Variants in CERK observed in about 807,000 individuals in gnomAD.
CERK encodes the protein acylsphingosine kinase.
A neutral mutation model predicts 63.4 loss-of-function variants in CERK; 39 were observed. That is an observed-to-expected ratio of 0.61 (90% confidence interval 0.48 to 0.80). The LOEUF (loss-of-function observed/expected upper bound fraction) is 0.80. CERK is among the 30% of genes least tolerant of loss of function. The pLI, the probability that CERK is intolerant of heterozygous loss-of-function variation, is 0.00. For missense variants in CERK, 670 were observed against 714.1 expected (o/e 0.94, Z 0.70); for synonymous variants, 302 against 280.0 (o/e 1.08, Z -0.78).
intron 11 of CERK, among the ~76,000 whole-genome samples, chr22:46,690,447 C>T (rs1049452572): frequency 2.0e-5 from 3 of 152,022 alleles, no homozygotes; most frequent in Non-Finnish European, 2.9e-5. Context: ...CTACCTTCCC[C>T]GGTGCCCACC....
At chr22:46,711,458 A>G (rs1410297614) in intron 4 of CERK, among the ~76,000 whole-genome samples, 6 of 152,214 alleles carry the variant, frequency 3.9e-5, no homozygotes, top group Non-Finnish European at 2.9e-5. Context: ...TCCTTATTAT[A>G]CAAGTTACTT....
Position 46,691,759 on chromosome 22 carries a change from T to C in CERK, c.1145A>G (p.Gln382Arg). The C allele has an allele frequency of 6.2e-7, 1 of 1,611,686 alleles. No individual in the cohort carries two copies. Among genetic ancestry groups the C allele is most frequent in the Non-Finnish European group, 8.5e-7 (1 of 1,178,082 alleles). ...LEAAEDVEEW[Q>R]VVCGKFLAIN... ...GGCCAGAAACTTCCCACAGACGACT[T>C]GCCACTCCTCCACGTCCTCTGAAGC... Residue 382 changes from glutamine to arginine, a missense_variant, in exon 11 of 13, where the codon CAA becomes CGA. Physicochemically the swap from Gln to Arg is conservative, Grantham distance 43. Transcript: ENST00000216264.
intron 8 of CERK, 152 bp from the exon 9 acceptor site, chr22:46,695,467 C>T: frequency 1.5e-6 from 1 of 652,756 alleles, no homozygotes; most frequent in South Asian, 1.7e-5. Flanking sequence ...GGCCATGTCA[C>T]CATTGAAGGC....
intron 6 of CERK, among the ~76,000 whole-genome samples, chr22:46,702,264 TGTGA>T (rs1384325846): frequency 4.9e-4 from 72 of 146,924 alleles, no homozygotes; most frequent in African/African-American, 1.7e-3. Flanking sequence ...TGTGTGTGTG[TGTGA>T]ACATTTACAA....
intron 6 of CERK, 105 bp downstream of exon 6, chr22:46,707,738 A>C (rs1394295380): frequency 2.3e-6 from 3 of 1,308,446 alleles, no homozygotes; most frequent in Non-Finnish European, 2.1e-6. Flanking sequence ...GTACGAACTA[A>C]ACTGAGTATA....
At chr22:46,689,304 G>C (rs908721169) in intron 12 of CERK, among the ~76,000 whole-genome samples, 26 of 152,268 alleles carry the variant, frequency 1.7e-4, no homozygotes, top group Non-Finnish European at 2.9e-4. Flanking sequence ...TGTGGCCCTT[G>C]AGGCCAGCGG....
intron 1 of CERK, among the ~76,000 whole-genome samples, chr22:46,733,607 T>A (rs910579800): frequency 1.3e-5 from 2 of 152,078 alleles, no homozygotes; most frequent in Non-Finnish European, 2.9e-5. Context: ...ATCTTTTTTT[T>A]TAAATTTATG....
chr22:46,726,635 CT>C (rs1205462276), intron 1 of CERK, among the ~76,000 whole-genome samples: 2 of 152,208 alleles, frequency 1.3e-5, no homozygotes, highest in African/African-American at 4.8e-5. Flanking sequence ...GTGTGAACAT[CT>C]GATCTTCATT....
intron 12 of CERK, 64 bp downstream of exon 12, chr22:46,689,928 C>G: frequency 7.5e-7 from 1 of 1,327,286 alleles, no homozygotes; most frequent in Non-Finnish European, 1.0e-6. Context: ...GGTGGGGCAG[C>G]TTGTGACAGA....
Position 46,695,287 on chromosome 22 carries a change from G to A in CERK, c.972C>T (p.Cys324=). The change falls in exon 9 of 13, where the codon TGC becomes TGT. Residue 324 remains cysteine, a synonymous_variant. Transcript: ENST00000216264. ...SGLKTFLSHH[C]YEGTVSFLPA... is the part of the protein sequence containing the mutation. The stretch of plus-strand genomic sequence containing the variant: ...GGAGGAAGGACACTGTCCCTTCATA[G>A]CAGTGGTGGGAGAGGAAGGTCTTTA... 6.2e-7 allele frequency: 1 copy of A among 1,610,250 alleles called. No homozygotes were observed. Among genetic ancestry groups the A allele is most frequent in the Non-Finnish European group, 8.5e-7 (1 of 1,176,414 alleles).
At chr22:46,702,103 C>T (rs898427020) in intron 6 of CERK, among the ~76,000 whole-genome samples, 1 of 151,130 alleles carries the variant, frequency 6.6e-6, no homozygotes, top group African/African-American at 2.4e-5. Context: ...ATCGCTTGAT[C>T]CCGGGAGGCA....
At position 46,686,070 on chromosome 22, in the gene CERK, T is replaced by C. The variant is rs2082699231; in HGVS notation, c.*1064A>G. ...GGAATGCCTTCCGGGAAGAATCCTC[T>C]GGTCGCCGGAGCCCTCGCGCTGCAG... is the stretch of plus-strand genomic sequence containing the variant. On this transcript the variant is annotated 3_prime_UTR_variant, in exon 13 of 13. Coordinates refer to ENST00000216264, the MANE Select transcript of CERK (RefSeq NM_022766.6). The C allele has an allele frequency of 6.6e-6, 1 of 152,216 alleles. No individual in the cohort carries two copies. The highest frequency in any genetic ancestry group is 1.5e-5 in the Non-Finnish European group (1 of 68,046). The allele number at this position is 152,216 out of a possible 1,614,324, so 9.4% of individuals were successfully genotyped here.
intron 1 of CERK, among the ~76,000 whole-genome samples, chr22:46,726,963 G>C (rs1360003925): frequency 6.6e-6 from 1 of 152,146 alleles, no homozygotes; most frequent in African/African-American, 2.4e-5. Context: ...ATGCGCCCAA[G>C]TTTCGTCTTT....
chr22:46,737,988 G>A lies in CERK; in HGVS notation c.142+19C>T. Reference sequence around the variant, plus strand: ...TCCCTGGCCAGGTCCGGCCGAACCCGGGCGGCGGCGACACTCACCCGCGCC... The same window carrying A: ...TCCCTGGCCAGGTCCGGCCGAACCCAGGCGGCGGCGACACTCACCCGCGCC... On this transcript the variant is annotated intron_variant, in intron 1 of 12. Transcript: ENST00000216264. 8.6e-7 allele frequency: 1 copy of A among 1,167,914 alleles called. No individual in the cohort carries two copies. Among genetic ancestry groups the A allele is most frequent in the African/African-American group, 1.6e-5 (1 of 61,696 alleles). The allele number at this position is 1,167,914 out of a possible 1,614,324, so 72.3% of individuals were successfully genotyped here.
At chr22:46,710,832 C>A (rs1259541925) in intron 5 of CERK, among the ~76,000 whole-genome samples, 1 of 152,232 alleles carries the variant, frequency 6.6e-6, no homozygotes, top group African/African-American at 2.4e-5. Flanking sequence ...CGCATAAGCA[C>A]ATCTTCTGAA....
At chr22:46,699,573 G>C in intron 7 of CERK, 108 bp from the exon 8 acceptor site, 1 of 1,031,220 alleles carries the variant, frequency 9.7e-7, no homozygotes, top group Non-Finnish European at 1.5e-6. Flanking sequence ...CTTTTAAAAA[G>C]TGTGAAACAA....
intron 1 of CERK, among the ~76,000 whole-genome samples, chr22:46,730,637 C>T (rs573459986): frequency 6.6e-6 from 1 of 152,216 alleles, no homozygotes; most frequent in Non-Finnish European, 1.5e-5. Context: ...GCACAAGCAC[C>T]TTCTGCTTCT....
At chr22:46,720,288 CA>C in intron 2 of CERK, 80 bp from the exon 3 acceptor site, 1 of 1,526,078 alleles carries the variant, frequency 6.6e-7, no homozygotes, top group Non-Finnish European at 8.8e-7. Context: ...GCACCAAATG[CA>C]GCTAATTATA....
At chr22:46,690,554 G>C (rs1029217960) in intron 11 of CERK, among the ~76,000 whole-genome samples, 4 of 152,110 alleles carry the variant, frequency 2.6e-5, no homozygotes, top group African/African-American at 9.7e-5. Flanking sequence ...TAAATAATTA[G>C]CAGTGATTAT....
Sources: allele counts gnomAD v4.1 joint callset (sites outside exome capture counted in the v4.1 genomes callset), GRCh38; gene constraint gnomAD v4.1.1; transcripts MANE v1.5; gene names NCBI Gene and HGNC (gene_info 2026-07-23, HGNC 2026-07-21).